Variants in GALNT13 observed in about 807,000 individuals in gnomAD.
GALNT13 encodes the protein UDP-GalNAc:polypeptide N-acetylgalactosaminyltransferase 13.
A neutral mutation model predicts 64.2 loss-of-function variants in GALNT13; 28 were observed. The ratio of observed to expected loss-of-function variants is 0.44; its 90% confidence interval spans 0.32 to 0.60. The LOEUF is 0.60. Ranked by LOEUF, GALNT13 falls within the 20% of genes least tolerant of loss-of-function variation. The pLI, the probability that GALNT13 is intolerant of heterozygous loss-of-function variation, is 0.05. For missense variants in GALNT13, 577 were observed against 669.8 expected (o/e 0.86, Z 1.53); for synonymous variants, 214 against 224.6 (o/e 0.95, Z 0.42).
intron 4 of GALNT13, among the ~76,000 whole-genome samples, chr2:154,216,083 G>A (rs191683590): frequency 6.6e-6 from 1 of 151,812 alleles, no homozygotes; most frequent in East Asian, 1.9e-4. Flanking sequence ...GTGAATGTAG[G>A]CATCTTTCTT....
At chr2:153,404,390 C>G in the GALNT13 span, among the ~76,000 whole-genome samples, 3 of 152,284 alleles carry the variant, frequency 2.0e-5, 1 homozygote, top group African/African-American at 7.2e-5. Context: ...AATCCAATGC[C>G]TGCACTGGCC....
chr2:153,562,042 T>C, the GALNT13 span, among the ~76,000 whole-genome samples: 8,873 of 112,728 alleles, frequency 0.079, 678 homozygotes, highest in African/African-American at 0.19. Flanking sequence ...CTCTCTCTCT[T>C]TCTCTCTCTC....
At chr2:153,078,025 T>C in the GALNT13 span, among the ~76,000 whole-genome samples, 1 of 152,174 alleles carries the variant, frequency 6.6e-6, no homozygotes, top group East Asian at 1.9e-4. Context: ...TTTGTAGGTT[T>C]TGGACATTTA....
chr2:153,744,490 A>G, the GALNT13 span, among the ~76,000 whole-genome samples: 1 of 152,164 alleles, frequency 6.6e-6, no homozygotes, highest in African/African-American at 2.4e-5. Context: ...TGAAAAGTAT[A>G]TATTCAGATA....
At chr2:153,786,602 C>T in the GALNT13 span, among the ~76,000 whole-genome samples, 1 of 151,966 alleles carries the variant, frequency 6.6e-6, no homozygotes, top group African/African-American at 2.4e-5. Context: ...GGAGATCAGT[C>T]TCTCCTCCTG....
At chr2:153,492,234 GT>G in the GALNT13 span, among the ~76,000 whole-genome samples, 1 of 152,134 alleles carries the variant, frequency 6.6e-6, no homozygotes, top group Non-Finnish European at 1.5e-5. Flanking sequence ...ACAAGTGGAG[GT>G]GACAAGACAT....
At chr2:154,371,165 T>C (rs933068574) in intron 9 of GALNT13, among the ~76,000 whole-genome samples, 1 of 151,990 alleles carries the variant, frequency 6.6e-6, no homozygotes, top group African/African-American at 2.4e-5. Flanking sequence ...CACCTAAGTG[T>C]AGATTGAAGG....
At chr2:154,018,010 T>G (rs1697123134) in intron 3 of GALNT13, among the ~76,000 whole-genome samples, 1 of 152,208 alleles carries the variant, frequency 6.6e-6, no homozygotes, top group Non-Finnish European at 1.5e-5. Context: ...GTTTGTTGCT[T>G]TATAATTGAT....
chr2:153,820,935 C>A, the GALNT13 span, among the ~76,000 whole-genome samples: 1 of 151,960 alleles, frequency 6.6e-6, no homozygotes, highest in Admixed American at 6.6e-5. Flanking sequence ...GATAAAAAAA[C>A]AAAAGCCACT....
chr2:154,133,534 T>TTATATATATATATATATA (rs201083794), intron 3 of GALNT13, among the ~76,000 whole-genome samples: 1 of 77,322 alleles, frequency 1.3e-5, no homozygotes, highest in Non-Finnish European at 2.4e-5. Flanking sequence ...ACAGACCATT[T>TTATATATATATATATATA]TATATATATA....
the GALNT13 span, among the ~76,000 whole-genome samples, chr2:153,513,164 T>G: frequency 2.6e-5 from 4 of 152,242 alleles, no homozygotes; most frequent in African/African-American, 9.6e-5. Flanking sequence ...GTTTTTGTTT[T>G]CAGACTCTCA....
chr2:154,246,772 C>CT (rs1481409356), intron 7 of GALNT13, among the ~76,000 whole-genome samples: 2 of 152,032 alleles, frequency 1.3e-5, no homozygotes, highest in Non-Finnish European at 2.9e-5. Flanking sequence ...GAAACATACA[C>CT]TTTAAGTCCT....
chr2:154,381,656 A>G (rs541441797), intron 9 of GALNT13, among the ~76,000 whole-genome samples: 10 of 152,236 alleles, frequency 6.6e-5, no homozygotes, highest in African/African-American at 2.4e-4. Context: ...CTAGTTTCCA[A>G]TGTGGGTTCT....
At chr2:153,092,657 A>G in the GALNT13 span, among the ~76,000 whole-genome samples, 46 of 152,324 alleles carry the variant, frequency 3.0e-4, 1 homozygote, top group East Asian at 7.1e-3. Flanking sequence ...GCATATAGAA[A>G]TGCTACTGAA....
the GALNT13 span, among the ~76,000 whole-genome samples, chr2:153,255,207 C>T: frequency 1.7e-3 from 252 of 146,486 alleles, no homozygotes; most frequent in South Asian, 5.3e-3. Flanking sequence ...TGAATTGATC[C>T]CTTTACCATT....
chr2:153,826,696 T>C, the GALNT13 span, among the ~76,000 whole-genome samples: 1 of 151,940 alleles, frequency 6.6e-6, no homozygotes, highest in Non-Finnish European at 1.5e-5. Flanking sequence ...TTATGACAAA[T>C]GAATGTCTGG....
the GALNT13 span, among the ~76,000 whole-genome samples, chr2:153,152,378 T>C: frequency 6.6e-6 from 1 of 152,038 alleles, no homozygotes; most frequent in South Asian, 2.1e-4. Flanking sequence ...TTGGGAAATC[T>C]TAATTAAGGA....
the GALNT13 span, among the ~76,000 whole-genome samples, chr2:153,239,489 G>A: frequency 2.0e-5 from 3 of 152,060 alleles, no homozygotes; most frequent in East Asian, 3.9e-4. Flanking sequence ...CTTTTATTGC[G>A]TGGAGGTATG....
chr2:154,162,324 C>T (rs1437891058), intron 4 of GALNT13, among the ~76,000 whole-genome samples: 1 of 152,152 alleles, frequency 6.6e-6, no homozygotes, highest in African/African-American at 2.4e-5. Flanking sequence ...TTTTAAAAGT[C>T]ACTGAGTGCC....
Sources: gnomAD v4.1 joint callset for allele counts (sites outside exome capture counted in the v4.1 genomes callset) on GRCh38, gnomAD v4.1.1 for gene constraint, MANE v1.5 for transcripts, NCBI Gene and HGNC (gene_info 2026-07-23, HGNC 2026-07-21) for gene names.